The following KDM4F variants were observed in gnomAD, a reference collection of about 807,000 sequenced individuals.
The protein encoded by KDM4F is probable lysine-specific demethylase 4F.
For missense variants in KDM4F, 586 were observed against 496.4 expected (o/e 1.18, Z -1.71); for synonymous variants, 223 against 184.4 (o/e 1.21, Z -1.70).
chr11:95,050,391 A>G (rs1555105400), exon 1 of KDM4F: 2 of 917,866 alleles, frequency 2.2e-6, no homozygotes, highest in African/African-American at 3.2e-5. Flanking sequence ...CTTCGTGCGC[A>G]TCCTGCAACC....
the KDM4F span, chr11:95,049,976 GT>G: frequency 6.2e-7 from 1 of 1,614,234 alleles, no homozygotes; most frequent in South Asian, 1.1e-5. Context: ...GGAAGACCAC[GT>G]TTGCTTGGCA....
At chr11:95,050,898 G>A (rs1264153303) in exon 1 of KDM4F, 39 of 497,584 alleles carry the variant, frequency 7.8e-5, no homozygotes, top group Admixed American at 2.4e-4. Flanking sequence ...ACCTTTGAGC[G>A]GTGGCCTTCC....
chr11:95,049,448 G>T lies in KDM4F; in HGVS notation c.27G>T (p.Gln9His), dbSNP rs555688041. 2.0e-6 allele frequency: 3 copies of T among 1,489,266 alleles called. No homozygotes were observed. In the East Asian group the frequency reaches 7.5e-5, roughly 37 times the overall value. The allele number at this position is 1,489,266 out of a possible 1,614,324, so 92.3% of individuals were successfully genotyped here. A position where few individuals can be genotyped will look rare whatever the true frequency, so the allele number is the denominator to read the frequency against. Residue 9 changes from glutamine (Q) to histidine (H), a missense_variant, in exon 1 of 1, where the codon CAG becomes CAT. Transcript: ENST00000545950. ...TGAAGTCTGTGCACTCCAGTCCCCA[G>T]AACACGAGTCATACCATCATGACGT...
chr11:95,050,036 G>A, exon 1 of KDM4F: 1 of 1,612,816 alleles, frequency 6.2e-7, no homozygotes, highest in Non-Finnish European at 8.5e-7. Context: ...ACTTTGGGGA[G>A]CCCAAAACTT....
chr11:95,049,557 G>A (rs1449602569), exon 1 of KDM4F: 15 of 1,596,604 alleles, frequency 9.4e-6, no homozygotes, highest in African/African-American at 2.7e-5. Flanking sequence ...AGCTGGCCTC[G>A]CCAAGGTAAT....
exon 1 of KDM4F, chr11:95,051,186 A>T (rs1555105475): frequency 2.5e-6 from 1 of 398,688 alleles, no homozygotes; most frequent in Non-Finnish European, 4.4e-6. Context: ...TCCGGTCCCA[A>T]CTAAGTTTTC....
exon 1 of KDM4F, chr11:95,050,586 A>G (rs528535941): frequency 7.5e-6 from 5 of 663,736 alleles, no homozygotes; most frequent in African/African-American, 7.1e-5. Flanking sequence ...TGTGGCCCCA[A>G]GGCTCTGTTA....
exon 1 of KDM4F, chr11:95,050,429 G>A (rs1858499940): frequency 2.4e-6 from 2 of 826,418 alleles, no homozygotes; most frequent in East Asian, 2.5e-5. Context: ...GGAAACACAG[G>A]CAAGACTTGA....
At chr11:95,050,106 C>T (rs1555105371) in exon 1 of KDM4F, 1 of 1,578,422 alleles carries the variant, frequency 6.3e-7, no homozygotes, top group African/African-American at 1.3e-5. Context: ...GGAGCTCTTC[C>T]CAGGCAATTC....
chr11:95,050,627 G>A lies in KDM4F; in HGVS notation c.1206G>A (p.Val402=), dbSNP rs1565432872. 6.4e-6 allele frequency: 4 copies of A among 624,976 alleles called. No homozygotes were observed. In the South Asian group the frequency reaches 7.5e-5, roughly 12 times the overall value. 38.7% of individuals were successfully genotyped at this position (624,976 alleles called of 1,614,324 possible). A position where few individuals can be genotyped will look rare whatever the true frequency, so the allele number is the denominator to read the frequency against. The change falls in exon 1 of 1, where the codon GTG becomes GTA. Residue 402 remains valine (V), a synonymous_variant. Transcript: ENST00000545950. Reference sequence around the variant, plus strand: ...CAAAGGGCGGTGGTACCGATGCTGTGCCTGGATCTGCAATCCAAGCCCTGG... The same window carrying A: ...CAAAGGGCGGTGGTACCGATGCTGTACCTGGATCTGCAATCCAAGCCCTGG...
exon 1 of KDM4F, chr11:95,050,267 C>T (rs1284366179): frequency 1.3e-5 from 20 of 1,517,678 alleles, no homozygotes; most frequent in South Asian, 2.3e-5. Context: ...GCTTCAATCA[C>T]GGCTTCAACT....
exon 1 of KDM4F, chr11:95,050,365 C>T (rs977858297): frequency 9.5e-6 from 10 of 1,056,384 alleles, no homozygotes; most frequent in African/African-American, 4.7e-5. Flanking sequence ...GCGAGAGTGA[C>T]CTTTTCCATG....
exon 1 of KDM4F, chr11:95,051,238 C>A: frequency 2.5e-6 from 1 of 398,764 alleles, no homozygotes; most frequent in Admixed American, 4.4e-5. Flanking sequence ...GGGGCTAAAG[C>A]CAGACAGAGA....
exon 1 of KDM4F, chr11:95,050,121 G>A (rs1365664504): frequency 8.3e-6 from 13 of 1,563,022 alleles, no homozygotes; most frequent in African/African-American, 2.7e-5. Flanking sequence ...CAATTCCCGG[G>A]GCTGTGAGGG....
At chr11:95,050,485 C>G in exon 1 of KDM4F, 1 of 732,510 alleles carries the variant, frequency 1.4e-6, no homozygotes, top group Non-Finnish European at 2.4e-6. Context: ...AGCCAAGAGC[C>G]GAGCAACTGG....
At position 95,050,172 on chromosome 11, in the gene KDM4F, C is replaced by T. The variant is rs1399452242; in HGVS notation, c.751C>T (p.Leu251Phe). The change falls in exon 1 of 1, where the codon CTC becomes TTC. Residue 251 changes from leucine (L) to phenylalanine (F), a missense_variant. By Grantham distance (22) the Leu-to-Phe change is conservative. Transcript: ENST00000545950. Reference sequence around the variant, plus strand: ...GGTGGCCCTCATCTCGCCTACAGTTCTCAAAAAGAATGGGATCCCCTTCAA... The same window carrying T: ...GGTGGCCCTCATCTCGCCTACAGTTTTCAAAAAGAATGGGATCCCCTTCAA... 19 of 1,548,052 alleles carry T rather than the reference C, an allele frequency of 1.2e-5. No homozygotes were observed. In the Admixed American group the frequency reaches 3.0e-4, roughly 24 times the overall value.
exon 1 of KDM4F, chr11:95,050,147 G>A (rs1278012481): frequency 1.1e-5 from 17 of 1,549,996 alleles, no homozygotes; most frequent in Admixed American, 3.3e-5. Context: ...TGCGGCACAA[G>A]GTGGCCCTCA....
exon 1 of KDM4F, chr11:95,051,220 C>T (rs1858508909): frequency 2.5e-6 from 1 of 398,866 alleles, no homozygotes; most frequent in Non-Finnish European, 4.4e-6. Context: ...GCCCCTGACT[C>T]ATCTGCTGGG....
chr11:95,050,076 C>T (rs985634949), exon 1 of KDM4F: 57 of 1,599,076 alleles, frequency 3.6e-5, no homozygotes, highest in Middle Eastern at 1.7e-4. Context: ...ACATGGTCAG[C>T]GCCTGGAATG....
Sources: allele counts gnomAD v4.1 joint callset, GRCh38; gene constraint gnomAD v4.1.1; transcripts MANE v1.5; gene names NCBI Gene and HGNC (gene_info 2026-07-23, HGNC 2026-07-21).